Variants in SPTB observed in about 807,000 individuals in gnomAD.
SPTB encodes the protein spectrin beta chain, erythrocytic.
A neutral mutation model predicts 256.2 loss-of-function variants in SPTB; 45 were observed. The ratio of observed to expected loss-of-function variants is 0.18; its 90% CI spans 0.14 to 0.23. The LOEUF (loss-of-function observed/expected upper bound fraction) is 0.23, where lower values mean the gene tolerates loss of function less well. Among genes scored for constraint, SPTB ranks in the 10% least tolerant of loss-of-function variants. The pLI, the probability that SPTB is intolerant of heterozygous loss-of-function variation, is 1.00. For synonymous variants in SPTB, 1,231 were observed against 1,243.1 expected, an observed-to-expected ratio of 0.99 and a Z score of 0.21; for missense variants, 2,715 against 3,040.4, an observed-to-expected ratio of 0.89 and a Z score of 2.52.
intron 32 of SPTB, among the ~76,000 whole-genome samples, chr14:64,762,677 C>CA (rs2082111298): frequency 6.6e-6 from 1 of 152,230 alleles, no homozygotes; most frequent in Non-Finnish European, 1.5e-5. Context: ...CTGCTGGCTG[C>CA]ACAGGCAGTG....
chr14:64,752,783 T>C (rs1360617648), intron 33 of SPTB, among the ~76,000 whole-genome samples: 1 of 152,168 alleles, frequency 6.6e-6, no homozygotes, highest in Admixed American at 6.5e-5. Flanking sequence ...ACATCCTGCA[T>C]GCTCATGCTG....
intron 28 of SPTB, among the ~76,000 whole-genome samples, chr14:64,769,380 C>A (rs569515851): frequency 6.6e-6 from 1 of 152,214 alleles, no homozygotes; most frequent in East Asian, 1.9e-4. Context: ...GGCTGCTCTC[C>A]GTTACTGAGT....
chr14:64,759,788 G>A lies in SPTB; in HGVS notation c.6346-5995C>T, dbSNP rs2082067105. Among the ~76,000 whole-genome samples the A allele has an allele frequency of 6.6e-6, 1 of 152,186 alleles. No individual in the cohort carries two copies. Among genetic ancestry groups the A allele is most frequent in the African/African-American group, 2.4e-5 (1 of 41,438 alleles). On this transcript the variant is annotated intron_variant, in intron 32 of 35. Transcript: ENST00000644917. The surrounding 1 kb of genome is among the most constrained non-coding windows in gnomAD (Gnocchi z 4.8). Reference sequence around the variant, plus strand: ...CTGAGGGCTGCCACCCACCGGAGCAGGGGACACTCTGAAGGAAGAGAGTCC... The same window carrying A: ...CTGAGGGCTGCCACCCACCGGAGCAAGGGACACTCTGAAGGAAGAGAGTCC...
chr14:64,800,360 A>C (rs903263929), intron 8 of SPTB, among the ~76,000 whole-genome samples: 1 of 152,262 alleles, frequency 6.6e-6, no homozygotes, highest in Non-Finnish European at 1.5e-5. Flanking sequence ...CTAAGAGCTA[A>C]GGATCTAGCA....
chr14:64,797,846 C>T lies in SPTB; in HGVS notation c.1065G>A (p.Lys355=). 1.2e-6 allele frequency: 2 copies of T among 1,611,178 alleles called. No individual in the cohort carries two copies. Among genetic ancestry groups the T allele is most frequent in the Non-Finnish European group, 1.7e-6 (2 of 1,177,316 alleles). The change falls in exon 10 of 36, where the codon AAG becomes AAA. Residue 355 remains lysine, a splice_region_variant and synonymous_variant. Transcript: ENST00000644917. ...STYRTVEKPP[K]FQEKGNLEVL... ...CTTCCAGATTCCCCTTCTCTTGAAA[C>T]CTGTCAAGAAAACAGAAGTAGGAAG...
In SPTB at chr14:64,806,775, A is replaced by T. The variant is rs115917528; in HGVS notation, c.149-1685T>A. Among the ~76,000 whole-genome samples, 558 of 152,310 alleles carry T rather than the reference A, an allele frequency of 3.7e-3. 7 individuals are homozygous for T. The highest frequency in any genetic ancestry group is 0.012 in the African/African-American group (516 of 41,554). On this transcript the variant is annotated intron_variant, in intron 2 of 35. Transcript: ENST00000644917. The surrounding 1 kb of genome is among the most constrained non-coding windows in gnomAD (Gnocchi z 4.1). ...CCTTGAGGCAGACAGACTCTATTAT[A>T]AATATGACGAGGGCTTGAGTCATAC...
chr14:64,867,735 T>C (rs1594858459), intron 1 of SPTB, among the ~76,000 whole-genome samples: 7 of 151,772 alleles, frequency 4.6e-5, no homozygotes, highest in Admixed American at 4.6e-4. Context: ...GCACCTGTAA[T>C]CCCAGCCACT....
chr14:64,876,555 T>C (rs1181644349), intron 1 of SPTB, among the ~76,000 whole-genome samples: 2 of 152,218 alleles, frequency 1.3e-5, no homozygotes, highest in African/African-American at 4.8e-5. Flanking sequence ...AACAGTTCTC[T>C]AAAGTCCTTC....
In SPTB at chr14:64,847,592, C is replaced by A. The variant is rs971692339; in HGVS notation, c.-51-24447G>T. Among the ~76,000 whole-genome samples the A allele has an allele frequency of 6.6e-6, 1 of 152,172 alleles. No individual in the cohort carries two copies. The highest frequency in any genetic ancestry group is 2.4e-5 in the African/African-American group (1 of 41,432). ...CCAGGGCCTGGGAGCAACCACCACA[C>A]TCCTAAGCCAGAACAGTGAGCAGGA... On this transcript the variant is annotated intron_variant, in intron 1 of 35. Transcript: ENST00000644917. This position sits in a 1 kb window ranked among gnomAD's most constrained non-coding sequence, Gnocchi z 5.9.
At chr14:64,774,107 T>C (rs948926446) in intron 24 of SPTB, among the ~76,000 whole-genome samples, 2 of 152,238 alleles carry the variant, frequency 1.3e-5, no homozygotes, top group Non-Finnish European at 2.9e-5. Flanking sequence ...TAGCATATTG[T>C]AACCCTTCGG....
chr14:64,858,380 T>C (rs571065562), intron 1 of SPTB, among the ~76,000 whole-genome samples: 26 of 152,254 alleles, frequency 1.7e-4, no homozygotes, highest in Admixed American at 8.5e-4. Flanking sequence ...GCAGAGATGA[T>C]AGGTGAAGGC....
Position 64,796,697 on chromosome 14 carries a change from C to T in SPTB, c.1201G>A (p.Glu401Lys). Residue 401 changes from glutamate (E) to lysine (K), a missense_variant, in exon 11 of 36, where the codon GAA (glutamate) becomes AAA (lysine). Transcript: ENST00000644917. The surrounding 1 kb of genome is among the most constrained non-coding windows in gnomAD (Gnocchi z 4.1). ...GCCAGCTCCCGCCGATACTCAGCTT[C>T]CTCCAGGCTTTCCCAGGCCTGCACA... is the stretch of plus-strand genomic sequence containing the variant. ...DINRAWESLE[E>K]AEYRRELALR... The T allele has an allele frequency of 6.2e-7, 1 of 1,614,228 alleles. No homozygotes were observed. The highest frequency in any genetic ancestry group is 8.5e-7 in the Non-Finnish European group (1 of 1,180,056).
Position 64,799,791 on chromosome 14 carries a change from C to T in SPTB, c.1020G>A (p.Gln340=), listed in dbSNP as rs1233011756. 8.7e-6 allele frequency: 14 copies of T among 1,614,112 alleles called. No individual in the cohort carries two copies. Among genetic ancestry groups the T allele is most frequent in the Non-Finnish European group, 1.2e-5 (14 of 1,180,052 alleles). The change falls in exon 9 of 36, where the codon CAG becomes CAA. Residue 340 remains glutamine, a synonymous_variant. Coordinates refer to ENST00000644917, the MANE Select transcript of SPTB (RefSeq NM_001355436.2). ...TGCGGTAGGTGCTGAAGGCCTGCAG[C>T]TGCTGCTGGACGCCCGTCAGCGAGT... ...FANSLTGVQQ[Q]LQAFSTYRTV... is the part of the protein sequence containing the mutation.
Position 64,792,974 on chromosome 14 carries a change from G to C in SPTB, c.2666+23C>G, listed in dbSNP as rs1433846580. 1 of 1,613,720 alleles carries C rather than the reference G, an allele frequency of 6.2e-7. No individual in the cohort carries two copies. The highest frequency in any genetic ancestry group is 1.7e-5 in the Admixed American group (1 of 60,026). On this transcript the variant is annotated intron_variant, in intron 14 of 35. Coordinates refer to ENST00000644917, the MANE Select transcript of SPTB (RefSeq NM_001355436.2). The surrounding 1 kb of genome is among the most constrained non-coding windows in gnomAD (Gnocchi z 4.2). The stretch of plus-strand genomic sequence containing the variant: ...CCCAGGCCTGGGTACAGGGACGTGA[G>C]GAAAAGATGAGTTAACTCTGACCTG...
Position 64,772,831 on chromosome 14 carries a change from T to C in SPTB, c.5302A>G (p.Ile1768Val). The C allele has an allele frequency of 6.2e-7, 1 of 1,613,810 alleles. No individual in the cohort carries two copies. The highest frequency in any genetic ancestry group is 8.5e-7 in the Non-Finnish European group (1 of 1,179,942). Residue 1768 changes from isoleucine (I) to valine (V), a missense_variant, in exon 26 of 36, where the codon ATC (isoleucine) becomes GTC (valine). By Grantham distance (29) the Ile-to-Val change is conservative (BLOSUM62 3). Coordinates refer to ENST00000644917, the MANE Select transcript of SPTB (RefSeq NM_001355436.2). This position sits in a 1 kb window ranked among gnomAD's most constrained non-coding sequence, Gnocchi z 5.4. ...TTCAGCCCGTCCTTCCACTCGGCGATGGTGGCCGCCTCGCTGTGGCCCGCG... is the reference window on the plus strand; with the variant it reads ...TTCAGCCCGTCCTTCCACTCGGCGACGGTGGCCGCCTCGCTGTGGCCCGCG... ...IDAGHSEAAT[I>V]AEWKDGLNEM...
In SPTB at chr14:64,750,064, A is replaced by C. The variant is rs768683098; in HGVS notation, c.6693T>G (p.His2231Gln). The C allele has an allele frequency of 2.5e-6, 4 of 1,614,066 alleles. No individual in the cohort carries two copies. Among genetic ancestry groups the C allele is most frequent in the Non-Finnish European group, 3.4e-6 (4 of 1,180,032 alleles). Residue 2231 changes from histidine to glutamine, a missense_variant, in exon 34 of 36, where the codon CAT (histidine) becomes CAG (glutamine). Physicochemically the swap from His to Gln is conservative, Grantham distance 24 (BLOSUM62 0). This residue lies in a region of SPTB where 2,239 missense variants were observed against 2,384.4 expected (regional missense o/e 0.94). Transcript: ENST00000644917. ...AKNLALGMPY[H>Q]GEEPLALRHA... is the part of the protein sequence containing the mutation. ...GTCTCAGGGCCAGGGGTTCCTCCCC[A>C]TGGTAGGGCATCCCCAGGGCCAGGT... is the stretch of plus-strand genomic sequence containing the variant.
rs1722314595 is a variant in SPTB at position 64,770,944 on chromosome 14, A to G, written c.5739T>C (p.Arg1913=). ...ADKFRFFSMA[R]DLLSWMESII... ...TGCTCTCCATCCAGGAGAGGAGGTC[A>G]CGGGCCATGCTGAAGAAGCGGAATT... The change falls in exon 27 of 36, where the codon CGT becomes CGC. Residue 1913 remains arginine (R), a synonymous_variant. Coordinates refer to ENST00000644917, the MANE Select transcript of SPTB (RefSeq NM_001355436.2). The G allele has an allele frequency of 6.2e-7, 1 of 1,613,976 alleles. No individual in the cohort carries two copies. Among genetic ancestry groups the G allele is most frequent in the Non-Finnish European group, 8.5e-7 (1 of 1,180,032 alleles).
In SPTB at chr14:64,853,258, T is replaced by A. The variant is rs2083814771; in HGVS notation, c.-52+26534A>T. Among the ~76,000 whole-genome samples the A allele has an allele frequency of 6.6e-6, 1 of 152,002 alleles. No homozygotes were observed. Among genetic ancestry groups the A allele is most frequent in the Middle Eastern group, 3.2e-3 (1 of 316 alleles). Reference sequence around the variant, plus strand: ...CAGAGAAATTTAGAGTCATTATCAGTAAATAGGTGGTAGCAGGAACACCAA... The same window carrying A: ...CAGAGAAATTTAGAGTCATTATCAGAAAATAGGTGGTAGCAGGAACACCAA... On this transcript the variant is annotated intron_variant, in intron 1 of 35. Coordinates refer to ENST00000644917, the MANE Select transcript of SPTB (RefSeq NM_001355436.2). The surrounding 1 kb of genome is among the most constrained non-coding windows in gnomAD (Gnocchi z 4.3).
chr14:64,753,880 C>A, intron 32 of SPTB, 87 bp from the exon 33 acceptor site: 1 of 1,541,606 alleles, frequency 6.5e-7, no homozygotes, highest in Non-Finnish European at 8.8e-7. Flanking sequence ...GGTCAGCAGC[C>A]ACCCTCTCCA....
Sources: allele counts gnomAD v4.1 joint callset (sites outside exome capture counted in the v4.1 genomes callset), GRCh38; gene constraint gnomAD v4.1.1; regional missense constraint gnomAD v4.1.1; non-coding constraint Gnocchi (gnomAD v3.1); transcripts MANE v1.5; gene names NCBI Gene and HGNC (gene_info 2026-07-23, HGNC 2026-07-21).